CCDC144A: variants seen among roughly 807,000 people sequenced by gnomAD.
CCDC144A encodes the protein coiled-coil domain containing 144A.
Under a neutral mutation model 143.8 loss-of-function variants are expected in CCDC144A, and 41 were observed. The ratio of observed to expected loss-of-function variants is 0.29; its 90% CI spans 0.22 to 0.37. CCDC144A has a LOEUF of 0.37. Ranked by LOEUF, CCDC144A falls within the 10% of genes least tolerant of loss-of-function variation. The probability of loss-of-function intolerance (pLI) is 1.00; values close to 1 mark genes in which losing one functional copy is unlikely to be tolerated. For synonymous variants in CCDC144A, 242 were observed against 517.9 expected, an observed-to-expected ratio of 0.47 and a Z score of 7.23; for missense variants, 637 against 1,488.8, an observed-to-expected ratio of 0.43 and a Z score of 9.41.
At chr17:16,719,864 C>A (rs536974399) in intron 6 of CCDC144A, among the ~76,000 whole-genome samples, 44 of 152,098 alleles carry the variant, frequency 2.9e-4, no homozygotes, top group Non-Finnish European at 1.8e-4. Flanking sequence ...AATGAGAAGA[C>A]CCTGGTATAT....
rs1249783770 is a variant in CCDC144A, at chr17:16,776,848, C to T, written c.*3215C>T. 1 of 152,096 alleles carries T rather than the reference C, an allele frequency of 6.6e-6. No individual in the cohort carries two copies. The highest frequency in any genetic ancestry group is 2.4e-5 in the African/African-American group (1 of 41,404). 9.4% of individuals were successfully genotyped at this position (152,096 alleles called of 1,614,324 possible). On this transcript the variant is annotated 3_prime_UTR_variant, in exon 17 of 17. Coordinates refer to ENST00000399273, the MANE Select transcript of CCDC144A (RefSeq NM_001382000.1). ...AAATAGCGTTACAATAGAATAGTAC[C>T]TCACATCTCAATGCTAATGTTGAAC...
the CCDC144A span, among the ~76,000 whole-genome samples, chr17:16,668,706 A>G: frequency 2.6e-5 from 4 of 152,282 alleles, no homozygotes; most frequent in East Asian, 5.8e-4. Context: ...TACATGCTGT[A>G]TTAGTCTACT....
rs1199603037 is a variant in CCDC144A at position 16,709,624 on chromosome 17, C to T, written c.1567C>T (p.Leu523Phe). 1.2e-6 allele frequency: 2 copies of T among 1,611,414 alleles called. No homozygotes were observed. The highest frequency in any genetic ancestry group is 2.2e-5 in the South Asian group (2 of 90,864). Residue 523 changes from leucine (L) to phenylalanine (F), a missense_variant, in exon 5 of 17, where the codon CTT becomes TTT. Physicochemically the swap from Leu to Phe is conservative, Grantham distance 22. Transcript: ENST00000399273. ...GGCTTTGAAGAAAGAAGATGTTCAACTTCATAAAGATGTAGGGTTTTACTT... is the reference window on the plus strand; with the variant it reads ...GGCTTTGAAGAAAGAAGATGTTCAATTTCATAAAGATGTAGGGTTTTACTT... ...FLALKKEDVQ[L>F]HKDVEEEMEK...
chr17:16,710,002 A>G (rs894635340), intron 5 of CCDC144A: 1 of 247,120 alleles, frequency 4.0e-6, no homozygotes, highest in African/African-American at 2.3e-5. Context: ...TCTAACAATA[A>G]GATGGGAATA....
At chr17:16,734,312 C>A (rs1732986334) in intron 11 of CCDC144A, among the ~76,000 whole-genome samples, 1 of 152,084 alleles carries the variant, frequency 6.6e-6, no homozygotes, top group South Asian at 2.1e-4. Context: ...CAGATATATG[C>A]AAAGCTACAG....
intron 3 of CCDC144A, 157 bp downstream of exon 3, chr17:16,705,556 TCTTC>T (rs1391134395): frequency 5.7e-6 from 4 of 702,418 alleles, no homozygotes; most frequent in African/African-American, 1.8e-5. Flanking sequence ...ATATTTGTGT[TCTTC>T]CTTTAACCAA....
At chr17:16,719,143 T>A (rs907715706) in intron 6 of CCDC144A, among the ~76,000 whole-genome samples, 13 of 151,564 alleles carry the variant, frequency 8.6e-5, no homozygotes, top group East Asian at 1.9e-4. Flanking sequence ...AAAGTTTTTT[T>A]AAAAAATATT....
In CCDC144A at chr17:16,709,511, G is replaced by GTATAT. The variant is rs1912266681; in HGVS notation, c.1454_1455insTATAT (p.Arg485SerfsTer3). Reference sequence around the variant, plus strand: ...AGTTCTTTACCACCAGATTCTGACAGAACATCAGAAGTATATCTACATGAA... The same window carrying GTATAT: ...AGTTCTTTACCACCAGATTCTGACAGTATATAACATCAGAAGTATATCTACATGAA... On this transcript the variant is annotated frameshift_variant, in exon 5 of 17. Transcript: ENST00000399273. LOFTEE classifies it high-confidence loss of function. The GTATAT allele has an allele frequency of 6.2e-7, 1 of 1,611,424 alleles. No homozygotes were observed.
chr17:16,771,829 A>C lies in CCDC144A; in HGVS notation c.4099-148A>C, dbSNP rs979533237. On this transcript the variant is annotated intron_variant, in intron 15 of 16. Coordinates refer to ENST00000399273, the MANE Select transcript of CCDC144A (RefSeq NM_001382000.1). ...ATTATCTAAACTTAAAATAGGTAGG[A>C]ATTTATATGATATTTTTAATTTAAG... The C allele has an allele frequency of 4.7e-6, 3 of 640,682 alleles. No homozygotes were observed. The African/African-American group carries it at 5.7e-5, about 12-fold the overall frequency. The allele number at this position is 640,682 out of a possible 1,614,324, so 39.7% of individuals were successfully genotyped here.
chr17:16,717,559 A>G (rs1277684582), intron 6 of CCDC144A, among the ~76,000 whole-genome samples: 1 of 152,024 alleles, frequency 6.6e-6, no homozygotes, highest in Non-Finnish European at 1.5e-5. Context: ...AGTTTTCTCT[A>G]TTTTTTCCCT....
rs1426866471 is a variant in CCDC144A, at chr17:16,733,497, C to A, written c.2418+831C>A. Among the ~76,000 whole-genome samples the A allele has an allele frequency of 4.0e-5, 6 of 149,158 alleles. No individual in the cohort carries two copies. The South Asian group carries it at 1.3e-3, about 32-fold the overall frequency. ...CCAGCCTGGGTAACAGTGCGAGACTCCGTCTCAAAAAAAAAAAAAAAAGAA... is the reference window on the plus strand; with the variant it reads ...CCAGCCTGGGTAACAGTGCGAGACTACGTCTCAAAAAAAAAAAAAAAAGAA... On this transcript the variant is annotated intron_variant, in intron 11 of 16. Transcript: ENST00000399273.
At chr17:16,737,201 C>T (rs1171536166) in intron 12 of CCDC144A, among the ~76,000 whole-genome samples, 1 of 127,312 alleles carries the variant, frequency 7.9e-6, no homozygotes, top group African/African-American at 3.0e-5. Flanking sequence ...GAGTCTCGCT[C>T]TGTCGCCCAG....
At chr17:16,696,369 T>TGCCTATAATCCCA (rs1316096654) in intron 2 of CCDC144A, among the ~76,000 whole-genome samples, 4 of 113,654 alleles carry the variant, frequency 3.5e-5, no homozygotes, top group African/African-American at 1.4e-4. Flanking sequence ...TGGTGGCTTA[T>TGCCTATAATCCCA]GCCTATAATC....
intron 6 of CCDC144A, among the ~76,000 whole-genome samples, chr17:16,717,866 A>G (rs982977770): frequency 3.9e-5 from 6 of 152,220 alleles, no homozygotes; most frequent in African/African-American, 1.4e-4. Context: ...TCTGCGTTAC[A>G]TATGAAGGAA....
At position 16,732,581 on chromosome 17, in the gene CCDC144A, A is replaced by C; in HGVS notation, c.2333A>C (p.Glu778Ala). Reference protein sequence around the residue: ...RNDAQKQLSEEQDARILQDQI... With the variant: ...RNDAQKQLSEAQDARILQDQI... ...GATGCCCAGAAGCAACTTTCTGAAG[A>C]ACAGGATGCCAGAATATTACAAGAT... Residue 778 changes from glutamate (E) to alanine (A), a missense_variant, in exon 11 of 17, where the codon GAA becomes GCA. Glu to Ala is a moderately radical substitution (Grantham distance 107). Transcript: ENST00000399273. 6.2e-7 allele frequency: 1 copy of C among 1,610,670 alleles called. No homozygotes were observed. The highest frequency in any genetic ancestry group is 2.2e-5 in the East Asian group (1 of 44,852).
At chr17:16,722,708 C>A (rs1460113662) in intron 8 of CCDC144A, among the ~76,000 whole-genome samples, 4 of 152,152 alleles carry the variant, frequency 2.6e-5, no homozygotes, top group African/African-American at 9.7e-5. Context: ...CTCTTGGCAA[C>A]CACTGACTTT....
At chr17:16,740,787 A>G (rs1169882488) in intron 12 of CCDC144A, among the ~76,000 whole-genome samples, 2 of 152,256 alleles carry the variant, frequency 1.3e-5, no homozygotes, top group African/African-American at 4.8e-5. Flanking sequence ...TTAGAATTTC[A>G]GTTCATTGAA....
At chr17:16,680,750 C>T in the CCDC144A span, among the ~76,000 whole-genome samples, 1 of 151,912 alleles carries the variant, frequency 6.6e-6, no homozygotes, top group African/African-American at 2.4e-5. Context: ...AGCAAAGCCA[C>T]TCTGTAATGA....
intron 9 of CCDC144A, chr17:16,731,085 AT>A (rs1366882538): frequency 6.6e-6 from 1 of 152,048 alleles, no homozygotes; most frequent in Admixed American, 6.6e-5. Context: ...GATAAAATTA[AT>A]TCCAAATTCA....
Sources: gnomAD v4.1 joint callset for allele counts (sites outside exome capture counted in the v4.1 genomes callset) on GRCh38, gnomAD v4.1.1 for gene constraint, MANE v1.5 for transcripts, NCBI Gene and HGNC (gene_info 2026-07-23, HGNC 2026-07-21) for gene names.